Variants in ABCC4 observed in about 807,000 individuals in gnomAD.
ABCC4 encodes ATP-binding cassette sub-family C member 4.
A neutral mutation model predicts 168.5 loss-of-function variants in ABCC4; 102 were observed. That is an observed-to-expected ratio of 0.61 (90% confidence interval 0.52 to 0.71). The LOEUF (loss-of-function observed/expected upper bound fraction) is 0.71, where lower values mean the gene tolerates loss of function less well. Among genes scored for constraint, ABCC4 ranks in the 30% least tolerant of loss-of-function variants. ABCC4 has a pLI of 0.00. For missense variants in ABCC4, 1,402 were observed against 1,605.8 expected (o/e 0.87, Z 2.17); for synonymous variants, 617 against 590.7 (o/e 1.04, Z -0.65).
chr13:95,262,986 T>G (rs1390233147), intron 1 of ABCC4, among the ~76,000 whole-genome samples: 1 of 152,144 alleles, frequency 6.6e-6, no homozygotes, highest in African/African-American at 2.4e-5. Context: ...CTGTCCTTCT[T>G]GTGGGCTGTT....
At chr13:95,025,764 G>C (rs888325844) in intron 30 of ABCC4, among the ~76,000 whole-genome samples, 2 of 152,090 alleles carry the variant, frequency 1.3e-5, no homozygotes, top group African/African-American at 4.8e-5. Context: ...TGAGCACATA[G>C]AGTTTATGAA....
chr13:95,035,326 A>G (rs765197162), intron 29 of ABCC4, among the ~76,000 whole-genome samples: 4 of 152,222 alleles, frequency 2.6e-5, no homozygotes, highest in Non-Finnish European at 5.9e-5. Flanking sequence ...GTTAAGGTGC[A>G]TTCTGAAATC....
intron 19 of ABCC4, among the ~76,000 whole-genome samples, chr13:95,160,365 T>G (rs1390650996): frequency 1.3e-5 from 2 of 152,114 alleles, no homozygotes; most frequent in African/African-American, 4.8e-5. Context: ...ACAAGTCCAC[T>G]CAACTGAGCA....
chr13:95,192,449 G>A (rs544861562), intron 9 of ABCC4, among the ~76,000 whole-genome samples: 4 of 152,210 alleles, frequency 2.6e-5, no homozygotes, highest in East Asian at 3.9e-4. Flanking sequence ...TCTAGGAACC[G>A]AAAAACAACA....
intron 14 of ABCC4, among the ~76,000 whole-genome samples, chr13:95,167,331 C>G (rs1326328158): frequency 6.6e-6 from 1 of 152,140 alleles, no homozygotes; most frequent in Non-Finnish European, 1.5e-5. Flanking sequence ...GTACAAATAT[C>G]TTTACTATTT....
chr13:95,262,695 C>T (rs2040563153), intron 1 of ABCC4, among the ~76,000 whole-genome samples: 2 of 150,574 alleles, frequency 1.3e-5, no homozygotes, highest in African/African-American at 4.9e-5. Context: ...TGCTGTGGTG[C>T]GATCTCGGCT....
At chr13:95,025,265 C>CCT in intron 30 of ABCC4, among the ~76,000 whole-genome samples, 1 of 61,428 alleles carries the variant, frequency 1.6e-5, no homozygotes, top group East Asian at 5.2e-4. Context: ...ACACACACCC[C>CCT]CACACCCCCA....
intron 19 of ABCC4, among the ~76,000 whole-genome samples, chr13:95,137,073 T>A (rs1042584705): frequency 1.3e-5 from 2 of 152,222 alleles, no homozygotes; most frequent in Admixed American, 6.5e-5. Flanking sequence ...TTTTCAAGGT[T>A]GTCACTTCAC....
chr13:95,219,519 G>T (rs1333861124), intron 4 of ABCC4, among the ~76,000 whole-genome samples: 2 of 152,286 alleles, frequency 1.3e-5, no homozygotes, highest in South Asian at 2.1e-4. Context: ...TCATCTTTTT[G>T]TTGTGTGTGT....
At chr13:95,177,937 T>C in intron 12 of ABCC4, 60 bp downstream of exon 12, 1 of 1,565,440 alleles carries the variant, frequency 6.4e-7, no homozygotes, top group Non-Finnish European at 8.8e-7. Flanking sequence ...TCCTATGTGC[T>C]CACCACCACT....
chr13:95,182,798 CTCGGATT>C (rs1274064100), intron 11 of ABCC4, among the ~76,000 whole-genome samples: 1 of 152,174 alleles, frequency 6.6e-6, no homozygotes, highest in African/African-American at 2.4e-5. Context: ...ACCCCAAGGC[CTCGGATT>C]TTAACTACTA....
chr13:95,216,008 A>C (rs2039099822), intron 4 of ABCC4, among the ~76,000 whole-genome samples: 2 of 152,230 alleles, frequency 1.3e-5, no homozygotes, highest in Non-Finnish European at 2.9e-5. Flanking sequence ...CAGCTACCAG[A>C]ATATATAGAC....
At chr13:95,126,720 AAT>A (rs71111594) in intron 19 of ABCC4, among the ~76,000 whole-genome samples, 1,607 of 81,656 alleles carry the variant, frequency 0.02, 111 homozygotes, top group African/African-American at 0.066. Context: ...CTTTTTTTGG[AAT>A]ATATATATAT....
chr13:95,099,754 C>T (rs767166272), intron 20 of ABCC4, among the ~76,000 whole-genome samples: 18 of 152,194 alleles, frequency 1.2e-4, no homozygotes, highest in South Asian at 6.3e-4. Context: ...GATGCACAAG[C>T]GGCACTATCG....
At chr13:95,196,689 GA>G (rs2038457938) in intron 8 of ABCC4, among the ~76,000 whole-genome samples, 2 of 72,702 alleles carry the variant, frequency 2.8e-5, no homozygotes, top group Non-Finnish European at 6.5e-5. Flanking sequence ...AGGAAGGAAG[GA>G]AGGAAGGAAG....
rs187139174 is a variant in ABCC4 at position 95,025,997 on chromosome 13, A to C, written c.3871-4315T>G. On this transcript the variant is annotated intron_variant, in intron 30 of 30. Coordinates refer to ENST00000645237, the MANE Select transcript of ABCC4 (RefSeq NM_005845.5). Reference sequence around the variant, plus strand: ...TTTGGGAGGCTGAGGTGGGAGGATCACTTGAGGGCCAGGAGTTCGAGGCCA... The same window carrying C: ...TTTGGGAGGCTGAGGTGGGAGGATCCCTTGAGGGCCAGGAGTTCGAGGCCA... Among the ~76,000 whole-genome samples, 1,159 of 152,064 alleles carry C rather than the reference A, an allele frequency of 7.6e-3. 6 individuals are homozygous for C. Among genetic ancestry groups the C allele is most frequent in the Middle Eastern group, 0.027 (8 of 292 alleles).
chr13:95,225,153 T>TCTCACA (rs1360466403), intron 4 of ABCC4, among the ~76,000 whole-genome samples: 117 of 35,256 alleles, frequency 3.3e-3, no homozygotes, highest in African/African-American at 6.7e-3. Context: ...TCTCTCTCTC[T>TCTCACA]CACACACACA....
chr13:95,247,697 A>G lies in ABCC4; in HGVS notation c.131T>C (p.Met44Thr). Reference sequence around the variant, plus strand: ...GCGGTCTTCTGGCAGCACTGAATACATATCATCTTCCTCTAATCTCCGTTT... The same window carrying G: ...GCGGTCTTCTGGCAGCACTGAATACGTATCATCTTCCTCTAATCTCCGTTT... ...GHKRRLEEDDMYSVLPEDRSQ... is the reference protein window; with the variant it reads ...GHKRRLEEDDTYSVLPEDRSQ... Residue 44 changes from methionine to threonine, a missense_variant, in exon 2 of 31, where the codon ATG becomes ACG. Met to Thr is a moderately conservative substitution (Grantham distance 81). Around this residue, in one of 3 missense-constraint regions of ABCC4, gnomAD observed 317 missense variants for 345.5 expected, o/e 0.92. Coordinates refer to ENST00000645237, the MANE Select transcript of ABCC4 (RefSeq NM_005845.5). 1.2e-6 allele frequency: 2 copies of G among 1,614,090 alleles called. No homozygotes were observed. The highest frequency in any genetic ancestry group is 1.3e-5 in the African/African-American group (1 of 75,012).
intron 1 of ABCC4, among the ~76,000 whole-genome samples, chr13:95,292,960 G>A (rs1005478204): frequency 6.6e-6 from 1 of 152,148 alleles, no homozygotes; most frequent in African/African-American, 2.4e-5. Context: ...AAAGAGGGGA[G>A]GGCAACCTTG....
Sources: gnomAD v4.1 joint callset for allele counts (sites outside exome capture counted in the v4.1 genomes callset) on GRCh38, gnomAD v4.1.1 for gene constraint, gnomAD v4.1.1 regional missense constraint, MANE v1.5 for transcripts, NCBI Gene and HGNC (gene_info 2026-07-23, HGNC 2026-07-21) for gene names.